The following EPHA6 variants were observed in gnomAD, a reference collection of about 807,000 sequenced individuals.
EPHA6 encodes EPH receptor A6.
A neutral mutation model predicts 112.0 loss-of-function variants in EPHA6; 50 were observed. The ratio of observed to expected loss-of-function variants is 0.45; its 90% CI spans 0.36 to 0.56. The LOEUF is 0.56. EPHA6 is among the 20% of genes least tolerant of loss of function. The probability of loss-of-function intolerance (pLI) is 0.00; values close to 1 mark genes in which losing one functional copy is unlikely to be tolerated. For synonymous variants in EPHA6, 529 were observed against 490.7 expected (o/e 1.08, Z -1.03); for missense variants, 1,280 against 1,417.4 (o/e 0.90, Z 1.56).
At chr3:97,391,207 T>TTA (rs1382486308) in intron 5 of EPHA6, among the ~76,000 whole-genome samples, 1 of 151,970 alleles carries the variant, frequency 6.6e-6, no homozygotes, top group Non-Finnish European at 1.5e-5. Context: ...TGGACTGTGC[T>TTA]TATATGGTGT....
At chr3:97,084,974 A>C (rs1049117018) in intron 3 of EPHA6, among the ~76,000 whole-genome samples, 4 of 152,192 alleles carry the variant, frequency 2.6e-5, no homozygotes, top group African/African-American at 9.6e-5. Flanking sequence ...AATATTTATT[A>C]CATAGTTTGA....
chr3:97,319,748 G>A (rs938111453), intron 5 of EPHA6, among the ~76,000 whole-genome samples: 51 of 147,486 alleles, frequency 3.5e-4, no homozygotes, highest in African/African-American at 1.3e-3. Context: ...AATATATAAA[G>A]CCTCCATTTT....
At chr3:97,623,390 C>T (rs575182133) in intron 13 of EPHA6, among the ~76,000 whole-genome samples, 1 of 151,624 alleles carries the variant, frequency 6.6e-6, no homozygotes, top group Non-Finnish European at 1.5e-5. Context: ...TCTTGGCACC[C>T]TTTTCAAAAA....
intron 3 of EPHA6, among the ~76,000 whole-genome samples, chr3:97,112,261 C>G (rs2047746343): frequency 6.6e-6 from 1 of 152,084 alleles, no homozygotes; most frequent in Non-Finnish European, 1.5e-5. Flanking sequence ...TTGAGACGTT[C>G]AAAAGGTTAG....
intron 5 of EPHA6, chr3:97,244,594 G>T: frequency 2.7e-6 from 1 of 373,046 alleles, no homozygotes; most frequent in Admixed American, 4.4e-5. Flanking sequence ...ATAGAAGTCA[G>T]AAATCAATAA....
At chr3:97,674,294 C>T (rs2031146200) in intron 14 of EPHA6, among the ~76,000 whole-genome samples, 1 of 152,154 alleles carries the variant, frequency 6.6e-6, no homozygotes, top group Non-Finnish European at 1.5e-5. Context: ...TACACCTGCT[C>T]ATTTTCTAAT....
intron 3 of EPHA6, among the ~76,000 whole-genome samples, chr3:97,167,746 AT>A (rs2108416586): frequency 6.6e-6 from 1 of 152,172 alleles, no homozygotes; most frequent in Admixed American, 6.5e-5. Context: ...TCCAAGTCAT[AT>A]TTTTATATAG....
chr3:97,649,733 G>A (rs891474602), intron 14 of EPHA6, among the ~76,000 whole-genome samples: 3 of 151,044 alleles, frequency 2.0e-5, no homozygotes, highest in African/African-American at 7.3e-5. Flanking sequence ...AAAGAGCTAT[G>A]CCACTTGGGA....
At chr3:97,276,395 G>A (rs1057482151) in intron 5 of EPHA6, among the ~76,000 whole-genome samples, 1 of 152,062 alleles carries the variant, frequency 6.6e-6, no homozygotes, top group South Asian at 2.1e-4. Flanking sequence ...GGAGGAATCC[G>A]GGGCTGTGGG....
At chr3:96,875,748 C>T (rs1346750680) in intron 2 of EPHA6, among the ~76,000 whole-genome samples, 1 of 152,070 alleles carries the variant, frequency 6.6e-6, no homozygotes, top group Non-Finnish European at 1.5e-5. Flanking sequence ...CACACACACA[C>T]ATACACAAAC....
chr3:97,211,164 T>C (rs1315084849), intron 3 of EPHA6, among the ~76,000 whole-genome samples: 1 of 152,208 alleles, frequency 6.6e-6, no homozygotes, highest in Non-Finnish European at 1.5e-5. Flanking sequence ...TTTTGTGCAA[T>C]GAGTGTCTAT....
intron 7 of EPHA6, among the ~76,000 whole-genome samples, chr3:97,456,697 A>C (rs1251983901): frequency 6.6e-6 from 1 of 152,168 alleles, no homozygotes; most frequent in Non-Finnish European, 1.5e-5. Context: ...CAGGAAGCTT[A>C]TCACTAACCC....
rs536225033 is a variant in EPHA6 at position 97,553,321 on chromosome 3, C to T, written c.2386+20778C>T. Among the ~76,000 whole-genome samples, 382 of 152,170 alleles carry T rather than the reference C, an allele frequency of 2.5e-3. 4 individuals carry two copies. The highest frequency in any genetic ancestry group is 9.0e-3 in the African/African-American group (372 of 41,520). ...TGTTCTTGTTGATTGCCCTGACCTT[C>T]CCTCATGTCCTCACAAGGCTGTCTT... On this transcript the variant is annotated intron_variant, in intron 11 of 17. Transcript: ENST00000389672.
chr3:97,660,731 T>C (rs1478989431), intron 14 of EPHA6, among the ~76,000 whole-genome samples: 3 of 152,084 alleles, frequency 2.0e-5, no homozygotes, highest in Admixed American at 2.0e-4. Flanking sequence ...TCTGGATTCA[T>C]TGTGATGACA....
chr3:97,065,643 A>G (rs6764511), intron 3 of EPHA6, among the ~76,000 whole-genome samples: 4,311 of 152,196 alleles, frequency 0.028, 221 homozygotes, highest in African/African-American at 0.098. Context: ...ATTTCTAGGA[A>G]GTATTACATA....
intron 3 of EPHA6, among the ~76,000 whole-genome samples, chr3:97,133,553 T>G (rs2108333158): frequency 6.6e-6 from 1 of 152,026 alleles, no homozygotes; most frequent in Non-Finnish European, 1.5e-5. Flanking sequence ...AGAGGCAGAG[T>G]TAAAATTATC....
At chr3:97,282,460 A>G (rs562682140) in intron 5 of EPHA6, among the ~76,000 whole-genome samples, 1 of 152,308 alleles carries the variant, frequency 6.6e-6, no homozygotes, top group Admixed American at 6.5e-5. Flanking sequence ...CAGAGATACC[A>G]TTTGACCCAG....
intron 3 of EPHA6, among the ~76,000 whole-genome samples, chr3:97,223,111 G>C (rs1286067371): frequency 6.6e-6 from 1 of 152,168 alleles, no homozygotes; most frequent in Admixed American, 6.5e-5. Context: ...GAGATCTTTG[G>C]CAATTCATTC....
intron 6 of EPHA6, among the ~76,000 whole-genome samples, chr3:97,447,538 C>A (rs559272912): frequency 3.0e-4 from 46 of 152,146 alleles, no homozygotes; most frequent in African/African-American, 1.0e-3. Context: ...TTTCCAGATA[C>A]CCTATTAAAA....
Sources: allele counts gnomAD v4.1 joint callset (sites outside exome capture counted in the v4.1 genomes callset), GRCh38; gene constraint gnomAD v4.1.1; transcripts MANE v1.5; gene names NCBI Gene and HGNC (gene_info 2026-07-23, HGNC 2026-07-21).